The following KIRREL3 variants were observed in gnomAD, a reference collection of about 807,000 sequenced individuals.
KIRREL3 encodes the protein kirre like nephrin family adhesion molecule 3.
A neutral mutation model predicts 89.7 loss-of-function variants in KIRREL3; 36 were observed. That is an observed-to-expected ratio of 0.40 (90% CI 0.31 to 0.53). The LOEUF is 0.53. KIRREL3 is among the 20% of genes least tolerant of loss of function. KIRREL3 has a pLI of 0.49. For synonymous variants in KIRREL3, 445 were observed against 441.4 expected (o/e 1.01, Z -0.10); for missense variants, 864 against 1,056.6 (o/e 0.82, Z 2.53).
At chr11:126,464,755 C>A (rs970044280) in intron 5 of KIRREL3, among the ~76,000 whole-genome samples, 1 of 152,100 alleles carries the variant, frequency 6.6e-6, no homozygotes, top group Non-Finnish European at 1.5e-5. Flanking sequence ...CCCCTGGAGC[C>A]TTTGGAGGGG....
chr11:126,489,761 T>G lies in KIRREL3; in HGVS notation c.434-16295A>C, dbSNP rs901532174. 3.9e-5 allele frequency among the ~76,000 whole-genome samples: 6 copies of G among 152,112 alleles called. No individual in the cohort carries two copies. The highest frequency in any genetic ancestry group is 1.4e-4 in the African/African-American group (6 of 41,424). On this transcript the variant is annotated intron_variant, in intron 4 of 16. Coordinates refer to ENST00000525144, the MANE Select transcript of KIRREL3 (RefSeq NM_032531.4). The surrounding 1 kb of genome is among the most constrained non-coding windows in gnomAD (Gnocchi z 5.5). ...TTGGATCCTTAATCACCTCTGTTCT[T>G]TTGCTGGCTCTCTCTGAGGCTTCCC...
rs900795011 is a variant in KIRREL3 at position 126,805,899 on chromosome 11, G to A, written c.55+194556C>T. Among the ~76,000 whole-genome samples the A allele has an allele frequency of 2.6e-5, 4 of 152,104 alleles. No homozygotes were observed. The highest frequency in any genetic ancestry group is 9.7e-5 in the African/African-American group (4 of 41,420). ...CCCAGTGGGCCTGGGCAGGTGCCGT[G>A]CCATCCCCTCCACCTTCTCCGTGCG... is the stretch of plus-strand genomic sequence containing the variant. On this transcript the variant is annotated intron_variant, in intron 1 of 16. Coordinates refer to ENST00000525144, the MANE Select transcript of KIRREL3 (RefSeq NM_032531.4). The surrounding 1 kb of genome is among the most constrained non-coding windows in gnomAD (Gnocchi z 4.3).
chr11:126,791,046 T>A lies in KIRREL3; in HGVS notation c.55+209409A>T, dbSNP rs1486037382. On this transcript the variant is annotated intron_variant, in intron 1 of 16. Transcript: ENST00000525144. This position sits in a 1 kb window ranked among gnomAD's most constrained non-coding sequence, Gnocchi z 4.8. ...GAATGCAAATGAGCATGATGTCACT[T>A]CTTAGCTTTGGGAGGAAAAAATGAG... 1.3e-5 allele frequency among the ~76,000 whole-genome samples: 2 copies of A among 152,178 alleles called. No individual in the cohort carries two copies. Among genetic ancestry groups the A allele is most frequent in the Non-Finnish European group, 2.9e-5 (2 of 68,030 alleles).
At chr11:126,863,867 C>G (rs780134947) in intron 1 of KIRREL3, among the ~76,000 whole-genome samples, 1 of 152,194 alleles carries the variant, frequency 6.6e-6, no homozygotes, top group Non-Finnish European at 1.5e-5. Context: ...AAAGCTCACA[C>G]AACAAAGGTA....
chr11:126,927,023 C>T (rs1947747480), intron 1 of KIRREL3, among the ~76,000 whole-genome samples: 1 of 152,210 alleles, frequency 6.6e-6, no homozygotes, highest in Non-Finnish European at 1.5e-5. Flanking sequence ...AAAATATTGG[C>T]AATCGAGCTG....
In KIRREL3 at chr11:126,837,573, T is replaced by C. The variant is rs1332217839; in HGVS notation, c.55+162882A>G. 6.6e-6 allele frequency among the ~76,000 whole-genome samples: 1 copy of C among 152,164 alleles called. No homozygotes were observed. Among genetic ancestry groups the C allele is most frequent in the Non-Finnish European group, 1.5e-5 (1 of 68,022 alleles). ...GAACTCCTCTTCCCACCTCTTCCAATCCTCGCTACATCCAGGAACTTACTC... is the reference window on the plus strand; with the variant it reads ...GAACTCCTCTTCCCACCTCTTCCAACCCTCGCTACATCCAGGAACTTACTC... On this transcript the variant is annotated intron_variant, in intron 1 of 16. Transcript: ENST00000525144. This position sits in a 1 kb window ranked among gnomAD's most constrained non-coding sequence, Gnocchi z 4.7.
In KIRREL3 at chr11:126,994,013, C is replaced by T. The variant is rs552708736; in HGVS notation, c.55+6442G>A. Among the ~76,000 whole-genome samples, 1 of 152,066 alleles carries T rather than the reference C, an allele frequency of 6.6e-6. No individual in the cohort carries two copies. Among genetic ancestry groups the T allele is most frequent in the Non-Finnish European group, 1.5e-5 (1 of 67,998 alleles). On this transcript the variant is annotated intron_variant, in intron 1 of 16. Coordinates refer to ENST00000525144, the MANE Select transcript of KIRREL3 (RefSeq NM_032531.4). The surrounding 1 kb of genome is among the most constrained non-coding windows in gnomAD (Gnocchi z 5.2). ...GCGCACACATCCTTTCTTATACTGA[C>T]ATACATAGGCCATCCATTGCAGTTT...
rs1222617278 is a variant in KIRREL3, at chr11:126,624,546, C to A, written c.56-61634G>T. Among the ~76,000 whole-genome samples, 2 of 152,158 alleles carry A rather than the reference C, an allele frequency of 1.3e-5. No individual in the cohort carries two copies. Among genetic ancestry groups the A allele is most frequent in the East Asian group, 1.9e-4 (1 of 5,188 alleles). ...TGGTTTCCCCTTCCCATTCCCGGTG[C>A]CTTCCCAGTGTGCTTGGAACACTCT... On this transcript the variant is annotated intron_variant, in intron 1 of 16. Coordinates refer to ENST00000525144, the MANE Select transcript of KIRREL3 (RefSeq NM_032531.4). The surrounding 1 kb of genome is among the most constrained non-coding windows in gnomAD (Gnocchi z 6.0).
chr11:126,884,807 G>T (rs139655262), intron 1 of KIRREL3, among the ~76,000 whole-genome samples: 84 of 152,186 alleles, frequency 5.5e-4, no homozygotes, highest in African/African-American at 2.0e-3. Context: ...AAGTGGAAAA[G>T]CATAGCAACC....
chr11:126,884,981 G>C (rs555299677), intron 1 of KIRREL3, among the ~76,000 whole-genome samples: 1 of 152,218 alleles, frequency 6.6e-6, no homozygotes, highest in East Asian at 1.9e-4. Context: ...AAGGCAATAG[G>C]TTAAGAGATT....
intron 1 of KIRREL3, among the ~76,000 whole-genome samples, chr11:126,675,756 T>G (rs183131223): frequency 1.6e-4 from 24 of 152,302 alleles, no homozygotes; most frequent in African/African-American, 5.5e-4. Flanking sequence ...CATAGGAATT[T>G]GAACTTTATT....
chr11:126,708,673 C>T lies in KIRREL3; in HGVS notation c.56-145761G>A, dbSNP rs976408836. ...GAGCGGCACTCCCACCTGGGCACTCCTTGCTGATGGACCGGGACCTCCTCT... is the reference window on the plus strand; with the variant it reads ...GAGCGGCACTCCCACCTGGGCACTCTTTGCTGATGGACCGGGACCTCCTCT... On this transcript the variant is annotated intron_variant, in intron 1 of 16. Transcript: ENST00000525144. This position sits in a 1 kb window ranked among gnomAD's most constrained non-coding sequence, Gnocchi z 5.7. Among the ~76,000 whole-genome samples, 1 of 152,224 alleles carries T rather than the reference C, an allele frequency of 6.6e-6. No homozygotes were observed. Among genetic ancestry groups the T allele is most frequent in the African/African-American group, 2.4e-5 (1 of 41,460 alleles).
At chr11:126,701,871 T>C (rs1387908679) in intron 1 of KIRREL3, among the ~76,000 whole-genome samples, 2 of 152,168 alleles carry the variant, frequency 1.3e-5, no homozygotes, top group African/African-American at 4.8e-5. Flanking sequence ...CCATGAAAGA[T>C]TTTTAGGGAG....
chr11:126,991,485 T>G lies in KIRREL3; in HGVS notation c.55+8970A>C, dbSNP rs1379657163. 1.3e-5 allele frequency among the ~76,000 whole-genome samples: 2 copies of G among 152,064 alleles called. No individual in the cohort carries two copies. The highest frequency in any genetic ancestry group is 2.4e-5 in the African/African-American group (1 of 41,398). On this transcript the variant is annotated intron_variant, in intron 1 of 16. Coordinates refer to ENST00000525144, the MANE Select transcript of KIRREL3 (RefSeq NM_032531.4). The surrounding 1 kb of genome is among the most constrained non-coding windows in gnomAD (Gnocchi z 5.8). The stretch of plus-strand genomic sequence containing the variant: ...CTTCCTTCCTTTTTATTATTATTAT[T>G]ATTATTATTTGTCAGAACAGCCACA...
rs1230618033 is a variant in KIRREL3, at chr11:126,739,724, G to A, written c.56-176812C>T. ...AAGGGATGCTCTGGTCACTGGTGCA[G>A]ATGATGGAAAACACCTAAAGGAGAA... On this transcript the variant is annotated intron_variant, in intron 1 of 16. Coordinates refer to ENST00000525144, the MANE Select transcript of KIRREL3 (RefSeq NM_032531.4). The surrounding 1 kb of genome is among the most constrained non-coding windows in gnomAD (Gnocchi z 5.5). 6.6e-6 allele frequency among the ~76,000 whole-genome samples: 1 copy of A among 152,204 alleles called. No homozygotes were observed. Among genetic ancestry groups the A allele is most frequent in the Non-Finnish European group, 1.5e-5 (1 of 68,040 alleles).
At chr11:126,813,770 CAAA>C (rs138822412) in intron 1 of KIRREL3, among the ~76,000 whole-genome samples, 1 of 129,426 alleles carries the variant, frequency 7.7e-6, no homozygotes. Flanking sequence ...GAAACAAAGG[CAAA>C]AAAAAAAAAG....
intron 1 of KIRREL3, among the ~76,000 whole-genome samples, chr11:126,911,485 T>C (rs1041785946): frequency 6.6e-6 from 1 of 152,140 alleles, no homozygotes; most frequent in Admixed American, 6.5e-5. Context: ...TTAAATCACC[T>C]TCACGGCCTC....
intron 1 of KIRREL3, among the ~76,000 whole-genome samples, chr11:126,774,893 C>T (rs896840499): frequency 5.3e-5 from 8 of 152,186 alleles, no homozygotes; most frequent in Non-Finnish European, 1.2e-4. Context: ...AAAGTTGCTG[C>T]TCCTGCTCCT....
rs1379297862 is a variant in KIRREL3, at chr11:126,954,679, A to T, written c.55+45776T>A. On this transcript the variant is annotated intron_variant, in intron 1 of 16. Coordinates refer to ENST00000525144, the MANE Select transcript of KIRREL3 (RefSeq NM_032531.4). This position sits in a 1 kb window ranked among gnomAD's most constrained non-coding sequence, Gnocchi z 4.1. ...AACCTAGGAAGCACCCTTAGAGGTC[A>T]TCTAGTAGAATATCACAGGCAGTTC... Among the ~76,000 whole-genome samples the T allele has an allele frequency of 6.6e-6, 1 of 152,152 alleles. No individual in the cohort carries two copies. The highest frequency in any genetic ancestry group is 1.5e-5 in the Non-Finnish European group (1 of 68,014).
Sources: gnomAD v4.1 joint callset for allele counts (sites outside exome capture counted in the v4.1 genomes callset) on GRCh38, gnomAD v4.1.1 for gene constraint, Gnocchi (gnomAD v3.1) non-coding constraint, MANE v1.5 for transcripts, NCBI Gene and HGNC (gene_info 2026-07-23, HGNC 2026-07-21) for gene names.